The following ARHGAP44 variants were observed in gnomAD, a reference collection of about 807,000 sequenced individuals.
ARHGAP44 encodes the protein Rho GTPase activating protein 44.
ARHGAP44 carries 43 observed loss-of-function variants against 106.8 expected under a neutral mutation model. The ratio of observed to expected loss-of-function variants is 0.40; its 90% CI spans 0.32 to 0.52. The LOEUF is 0.52. Ranked by LOEUF, ARHGAP44 falls within the 20% of genes least tolerant of loss-of-function variation. The pLI, the probability that ARHGAP44 is intolerant of heterozygous loss-of-function variation, is 0.48. For synonymous variants in ARHGAP44, 439 were observed against 410.3 expected, an observed-to-expected ratio of 1.07 and a Z score of -0.85; for missense variants, 866 against 1,050.5, an observed-to-expected ratio of 0.82 and a Z score of 2.43.
At chr17:12,971,299 G>C (rs2039522254) in intron 16 of ARHGAP44, among the ~76,000 whole-genome samples, 1 of 152,142 alleles carries the variant, frequency 6.6e-6, no homozygotes, top group African/African-American at 2.4e-5. Flanking sequence ...AGAAGGTACT[G>C]TTGGGGAAAT....
At chr17:12,866,069 C>T (rs1362560193) in intron 1 of ARHGAP44, among the ~76,000 whole-genome samples, 1 of 151,996 alleles carries the variant, frequency 6.6e-6, no homozygotes, top group Non-Finnish European at 1.5e-5. Context: ...GTGGAAGACA[C>T]TGGAAAAGTA....
chr17:12,946,750 G>A (rs956139243), intron 10 of ARHGAP44, among the ~76,000 whole-genome samples: 19 of 150,380 alleles, frequency 1.3e-4, no homozygotes, highest in South Asian at 2.1e-4. Flanking sequence ...GCAATGAGCC[G>A]AGATCACGCC....
chr17:12,961,535 G>A (rs2039260584), intron 16 of ARHGAP44, among the ~76,000 whole-genome samples: 2 of 152,180 alleles, frequency 1.3e-5, no homozygotes, highest in Non-Finnish European at 2.9e-5. Flanking sequence ...GGGAGTTCGA[G>A]ACCAGCCTGA....
At chr17:12,903,128 A>T (rs866781173) in intron 3 of ARHGAP44, among the ~76,000 whole-genome samples, 19 of 81,162 alleles carry the variant, frequency 2.3e-4, no homozygotes, top group Admixed American at 6.3e-4. Flanking sequence ...GAGAGAGAGG[A>T]GAGAGAGAGA....
intron 1 of ARHGAP44, among the ~76,000 whole-genome samples, chr17:12,861,658 T>TTTTTTTTTTTTTTTTTTTTG: frequency 9.8e-5 from 1 of 10,200 alleles, no homozygotes; most frequent in Non-Finnish European, 2.5e-4. Flanking sequence ...TTTTTTTTTT[T>TTTTTTTTTTTTTTTTTTTTG]GAGATGGAAT....
chr17:12,947,410 C>A (rs1473122238), intron 10 of ARHGAP44, among the ~76,000 whole-genome samples: 1 of 152,092 alleles, frequency 6.6e-6, no homozygotes, highest in Non-Finnish European at 1.5e-5. Context: ...CACCATGGTC[C>A]CCTCTGGCCT....
At position 12,984,584 on chromosome 17, in the gene ARHGAP44, G is replaced by T; in HGVS notation, c.1993G>T (p.Ala665Ser). The stretch of plus-strand genomic sequence containing the variant: ...CAAGGTCCCCTTTGGCCAGCCGGGG[G>T]CTATGGCAGACCAGTCCGCTGGCCA... ...PPKVPFGQPGAMADQSAGQPS... is the reference protein window; with the variant it reads ...PPKVPFGQPGSMADQSAGQPS... Residue 665 changes from alanine (A) to serine (S), a missense_variant, in exon 20 of 21, where the codon GCT (alanine) becomes TCT (serine). Physicochemically the swap from Ala to Ser is moderately conservative, Grantham distance 99. Coordinates refer to ENST00000379672, the MANE Select transcript of ARHGAP44 (RefSeq NM_014859.6). 6 of 1,595,416 alleles carry T rather than the reference G, an allele frequency of 3.8e-6. No homozygotes were observed. The highest frequency in any genetic ancestry group is 1.1e-5 in the South Asian group (1 of 88,114).
intron 16 of ARHGAP44, among the ~76,000 whole-genome samples, chr17:12,968,360 G>A (rs912540584): frequency 8.5e-5 from 13 of 152,178 alleles, no homozygotes; most frequent in African/African-American, 3.1e-4. Context: ...GTTGCAGGAG[G>A]CTCCCCAGGA....
At chr17:12,874,203 C>A (rs1308355169) in intron 1 of ARHGAP44, among the ~76,000 whole-genome samples, 1 of 152,184 alleles carries the variant, frequency 6.6e-6, no homozygotes, top group Admixed American at 6.5e-5. Context: ...GAGTCTTAAT[C>A]ATTTTTATTA....
At chr17:12,797,330 ATACT>A (rs746889896) in intron 1 of ARHGAP44, among the ~76,000 whole-genome samples, 1 of 152,198 alleles carries the variant, frequency 6.6e-6, no homozygotes, top group Non-Finnish European at 1.5e-5. Flanking sequence ...CTTAGGTATA[ATACT>A]TACGCTTTTT....
At chr17:12,825,829 T>G (rs963726590) in intron 1 of ARHGAP44, among the ~76,000 whole-genome samples, 1 of 152,196 alleles carries the variant, frequency 6.6e-6, no homozygotes, top group Non-Finnish European at 1.5e-5. Flanking sequence ...CATTATTATA[T>G]CCTCAGTGTC....
intron 7 of ARHGAP44, among the ~76,000 whole-genome samples, chr17:12,933,766 A>T (rs2150971487): frequency 6.6e-6 from 1 of 152,212 alleles, no homozygotes; most frequent in Non-Finnish European, 1.5e-5. Context: ...GACTGGCTGC[A>T]GTCTTAGGAT....
At chr17:12,790,075 C>T in intron 1 of ARHGAP44, 184 bp downstream of exon 1, 1 of 524,566 alleles carries the variant, frequency 1.9e-6, no homozygotes, top group Non-Finnish European at 3.2e-6. Flanking sequence ...GACCCCGGAG[C>T]TCTTCTCACT....
At chr17:12,976,325 T>G (rs1323715717) in intron 18 of ARHGAP44, among the ~76,000 whole-genome samples, 2 of 151,776 alleles carry the variant, frequency 1.3e-5, no homozygotes, top group African/African-American at 2.4e-5. Flanking sequence ...TAAAAAGTAT[T>G]TTCACGGCCG....
chr17:12,840,131 GA>G (rs773077170), intron 1 of ARHGAP44, among the ~76,000 whole-genome samples: 2 of 152,020 alleles, frequency 1.3e-5, no homozygotes, highest in Non-Finnish European at 2.9e-5. Context: ...TTTCAGCAGA[GA>G]TTTTTTTTTG....
intron 1 of ARHGAP44, among the ~76,000 whole-genome samples, chr17:12,846,098 G>GAA (rs200182544): frequency 0.014 from 2,057 of 144,988 alleles, 43 homozygotes; most frequent in East Asian, 0.073. Flanking sequence ...TGGTTTCCAG[G>GAA]AAAAAAAAAA....
chr17:12,794,102 T>C (rs2033847681), intron 1 of ARHGAP44, among the ~76,000 whole-genome samples: 1 of 152,166 alleles, frequency 6.6e-6, no homozygotes, highest in Non-Finnish European at 1.5e-5. Context: ...AGCATTTTTC[T>C]TTTTACCTTC....
intron 1 of ARHGAP44, among the ~76,000 whole-genome samples, chr17:12,885,962 C>T (rs2036869752): frequency 6.6e-6 from 1 of 151,928 alleles, no homozygotes; most frequent in South Asian, 2.1e-4. Context: ...TCTATGTTTC[C>T]TGTAAATATT....
At chr17:12,849,193 G>A (rs1156457619) in intron 1 of ARHGAP44, among the ~76,000 whole-genome samples, 1 of 150,762 alleles carries the variant, frequency 6.6e-6, no homozygotes, top group Non-Finnish European at 1.5e-5. Context: ...CTGCACGCCA[G>A]AGATCTTAAA....
Sources: allele counts gnomAD v4.1 joint callset (sites outside exome capture counted in the v4.1 genomes callset), GRCh38; gene constraint gnomAD v4.1.1; transcripts MANE v1.5; gene names NCBI Gene and HGNC (gene_info 2026-07-23, HGNC 2026-07-21).